Variants in WDR82 observed in about 807,000 individuals in gnomAD.
WDR82 encodes WD repeat domain 82.
Under a neutral mutation model 36.1 loss-of-function variants are expected in WDR82, and 8 were observed. That is an observed-to-expected ratio of 0.22 (90% CI 0.13 to 0.40). The LOEUF (loss-of-function observed/expected upper bound fraction) is 0.40. Ranked by LOEUF, WDR82 falls within the 10% of genes least tolerant of loss-of-function variation. The pLI, the probability that WDR82 is intolerant of heterozygous loss-of-function variation, is 1.00. For synonymous variants in WDR82, 129 were observed against 137.8 expected, an observed-to-expected ratio of 0.94 and a Z score of 0.45; for missense variants, 185 against 400.5, an observed-to-expected ratio of 0.46 and a Z score of 4.59.
At chr3:52,257,951 A>G (rs1206542275) in intron 8 of WDR82, among the ~76,000 whole-genome samples, 2 of 152,048 alleles carry the variant, frequency 1.3e-5, no homozygotes, top group African/African-American at 4.8e-5. Context: ...AAAAAAAAAA[A>G]GCAAGGTGGC....
In WDR82 at chr3:52,256,521, T is replaced by C. The variant is rs55803050; in HGVS notation, c.*969A>G. ...CTTGGTTGGGAGCTGGGGAAAGGGGTGGTATCATCTGAAGACTATGTACAC... is the reference window on the plus strand; with the variant it reads ...CTTGGTTGGGAGCTGGGGAAAGGGGCGGTATCATCTGAAGACTATGTACAC... On this transcript the variant is annotated 3_prime_UTR_variant, in exon 9 of 9. Coordinates refer to ENST00000296490, the MANE Select transcript of WDR82 (RefSeq NM_025222.4). 6.5e-6 allele frequency: 1 copy of C among 153,378 alleles called. No individual in the cohort carries two copies. Among genetic ancestry groups the C allele is most frequent in the Non-Finnish European group, 1.5e-5 (1 of 67,964 alleles). 9.5% of individuals were successfully genotyped at this position (153,378 alleles called of 1,614,324 possible). A position where few individuals can be genotyped will look rare whatever the true frequency, so the allele number is the denominator to read the frequency against.
chr3:52,276,426 G>A (rs699465), intron 1 of WDR82, among the ~76,000 whole-genome samples: 19,010 of 150,384 alleles, frequency 0.13, 1,417 homozygotes, highest in South Asian at 0.23. Context: ...GAGAGACTCC[G>A]TCCCCCACCC....
At chr3:52,264,276 C>A (rs1282742145) in intron 3 of WDR82, among the ~76,000 whole-genome samples, 1 of 152,102 alleles carries the variant, frequency 6.6e-6, no homozygotes, top group African/African-American at 2.4e-5. Context: ...TAAATGAAAT[C>A]AGCGATGGAG....
intron 1 of WDR82, among the ~76,000 whole-genome samples, chr3:52,275,083 T>C (rs1017390010): frequency 1.3e-5 from 2 of 151,004 alleles, no homozygotes; most frequent in African/African-American, 4.9e-5. Flanking sequence ...TAGCCAGGTG[T>C]GGTGGCGCAT....
rs906282940 is a variant in WDR82 at position 52,256,357 on chromosome 3, A to G, written c.*1133T>C. ...AGATGAGAGATATATGCATACGCAC[A>G]CACATATATGCGTATCTGTATGCAC... is the stretch of plus-strand genomic sequence containing the variant. On this transcript the variant is annotated 3_prime_UTR_variant, in exon 9 of 9. Coordinates refer to ENST00000296490, the MANE Select transcript of WDR82 (RefSeq NM_025222.4). 3.9e-5 allele frequency: 6 copies of G among 153,820 alleles called. No individual in the cohort carries two copies. The highest frequency in any genetic ancestry group is 1.4e-4 in the African/African-American group (6 of 41,460). The allele number at this position is 153,820 out of a possible 1,614,324, so 9.5% of individuals were successfully genotyped here.
rs760721254 is a variant in WDR82 at position 52,278,341 on chromosome 3, C to T, written c.21G>A (p.Val7=). Reference sequence around the variant, plus strand: ...CCTTAGCGACGCGGAAGCTCCGCAACACGCTGTCGGTCAGCTTCATGGCGG... The same window carrying T: ...CCTTAGCGACGCGGAAGCTCCGCAATACGCTGTCGGTCAGCTTCATGGCGG... The part of the protein sequence containing the change: MKLTDS[V]LRSFRVAKVF... The change falls in exon 1 of 9, where the codon GTG becomes GTA. Residue 7 remains valine (V), a synonymous_variant. Coordinates refer to ENST00000296490, the MANE Select transcript of WDR82 (RefSeq NM_025222.4). 1.3e-6 allele frequency: 2 copies of T among 1,588,964 alleles called. No individual in the cohort carries two copies. Among genetic ancestry groups the T allele is most frequent in the East Asian group, 2.4e-5 (1 of 41,012 alleles).
chr3:52,256,423 TACAA>T lies in WDR82; in HGVS notation c.*1063_*1066del, dbSNP rs1250825382. 3.3e-5 allele frequency: 5 copies of T among 153,670 alleles called. No individual in the cohort carries two copies. The highest frequency in any genetic ancestry group is 5.9e-5 in the Non-Finnish European group (4 of 68,040). The allele number at this position is 153,670 out of a possible 1,614,324, so 9.5% of individuals were successfully genotyped here. A position where few individuals can be genotyped will look rare whatever the true frequency, so the allele number is the denominator to read the frequency against. On this transcript the variant is annotated 3_prime_UTR_variant, in exon 9 of 9. Coordinates refer to ENST00000296490, the MANE Select transcript of WDR82 (RefSeq NM_025222.4). ...TGAAGGTGCATACACTGTGCTAAAA[TACAA>T]ACAACAGAAATCAAAGGTCATATAT...
Position 52,278,162 on chromosome 3 carries a change from G to A in WDR82, c.161+39C>T, listed in dbSNP as rs568766211. 63 of 1,530,424 alleles carry A rather than the reference G, an allele frequency of 4.1e-5. No homozygotes were observed. The East Asian group carries it at 1.5e-3, about 36-fold the overall frequency. The allele number at this position is 1,530,424 out of a possible 1,614,324, so 94.8% of individuals were successfully genotyped here. On this transcript the variant is annotated intron_variant, in intron 1 of 8. Transcript: ENST00000296490. Reference sequence around the variant, plus strand: ...GACCTGTGCTGGGCCACCGGAGGGAGGCACTGAGACTCGGGCCCAGGGCCT... The same window carrying A: ...GACCTGTGCTGGGCCACCGGAGGGAAGCACTGAGACTCGGGCCCAGGGCCT...
At chr3:52,272,827 T>C (rs771475568) in intron 1 of WDR82, among the ~76,000 whole-genome samples, 11 of 152,230 alleles carry the variant, frequency 7.2e-5, no homozygotes, top group Non-Finnish European at 1.3e-4. Context: ...AGTCAGTTAT[T>C]TGCACTTTCA....
intron 1 of WDR82, among the ~76,000 whole-genome samples, chr3:52,274,786 C>A (rs1045041696): frequency 2.0e-5 from 3 of 152,134 alleles, no homozygotes; most frequent in Non-Finnish European, 2.9e-5. Flanking sequence ...CCTGTAATCC[C>A]AGCTACTCGG....
At chr3:52,276,506 G>A (rs567588025) in intron 1 of WDR82, among the ~76,000 whole-genome samples, 14 of 151,688 alleles carry the variant, frequency 9.2e-5, no homozygotes, top group African/African-American at 3.1e-4. Flanking sequence ...TCAAAATTAC[G>A]CCAAATTTGG....
Position 52,259,697 on chromosome 3 carries a change from C to A in WDR82, c.699+20G>T, listed in dbSNP as rs1295552366. The A allele has an allele frequency of 2.5e-6, 4 of 1,604,262 alleles. No homozygotes were observed. The highest frequency in any genetic ancestry group is 2.6e-6 in the Non-Finnish European group (3 of 1,174,110). ...AAGTATGAGCATGGAAACAGCCATG[C>A]TTGAAGGCTGTCAGCTCACCCCAAA... On this transcript the variant is annotated intron_variant, in intron 6 of 8. Transcript: ENST00000296490.
intron 1 of WDR82, among the ~76,000 whole-genome samples, chr3:52,273,160 G>A (rs757232938): frequency 1.4e-4 from 22 of 152,252 alleles, no homozygotes; most frequent in Admixed American, 7.9e-4. Context: ...GCCGGGCGCA[G>A]TGGCTCACGC....
chr3:52,259,384 A>C, intron 6 of WDR82, 118 bp from the exon 7 acceptor site: 1 of 1,023,354 alleles, frequency 9.8e-7, no homozygotes, highest in South Asian at 1.5e-5. Flanking sequence ...TTTCCTTGTC[A>C]TGTACTACAC....
chr3:52,276,904 A>G (rs183589132), intron 1 of WDR82, among the ~76,000 whole-genome samples: 1 of 151,648 alleles, frequency 6.6e-6, no homozygotes, highest in Admixed American at 6.6e-5. Flanking sequence ...CAGTGGGGAA[A>G]AAAACTGGGG....
chr3:52,274,470 T>G (rs1370514376), intron 1 of WDR82, among the ~76,000 whole-genome samples: 1 of 152,000 alleles, frequency 6.6e-6, no homozygotes, highest in Non-Finnish European at 1.5e-5. Flanking sequence ...GAGATTGAGG[T>G]GGGAAGATCA....
intron 2 of WDR82, chr3:52,267,306 G>A (rs1176359435): frequency 6.9e-6 from 2 of 290,564 alleles, no homozygotes; most frequent in Non-Finnish European, 1.3e-5. Context: ...CTCCCACCCT[G>A]CAAATATACC....
intron 7 of WDR82, 64 bp downstream of exon 7, chr3:52,259,133 A>T: frequency 7.0e-7 from 1 of 1,433,246 alleles, no homozygotes; most frequent in Non-Finnish European, 9.7e-7. Flanking sequence ...TCAGTTAATA[A>T]TTTAAACAAA....
chr3:52,263,979 C>T (rs920983648), intron 3 of WDR82, among the ~76,000 whole-genome samples: 4 of 152,044 alleles, frequency 2.6e-5, no homozygotes, highest in African/African-American at 9.7e-5. Flanking sequence ...GCCTGGCCAA[C>T]ATGGTGAAAC....
Sources: gnomAD v4.1 joint callset for allele counts (sites outside exome capture counted in the v4.1 genomes callset) on GRCh38, gnomAD v4.1.1 for gene constraint, MANE v1.5 for transcripts, NCBI Gene and HGNC (gene_info 2026-07-23, HGNC 2026-07-21) for gene names.